RGSL1: variants seen among roughly 807,000 people sequenced by gnomAD.
The protein encoded by RGSL1 is regulator of G protein signaling protein-like.
A neutral mutation model predicts 124.7 loss-of-function variants in RGSL1; 97 were observed. The ratio of observed to expected loss-of-function variants is 0.78; its 90% CI spans 0.66 to 0.92. The LOEUF is 0.92. Among genes scored for constraint, RGSL1 ranks in the 40% least tolerant of loss-of-function variants. The probability of loss-of-function intolerance (pLI) is 0.00; values close to 1 mark genes in which losing one functional copy is unlikely to be tolerated. For missense variants in RGSL1, 1,233 were observed against 1,288.4 expected, an observed-to-expected ratio of 0.96 and a Z score of 0.66; for synonymous variants, 424 against 438.1, an observed-to-expected ratio of 0.97 and a Z score of 0.40.
chr1:182,501,920 C>T (rs1046520568), intron 9 of RGSL1, among the ~76,000 whole-genome samples: 2 of 152,162 alleles, frequency 1.3e-5, no homozygotes, highest in South Asian at 4.1e-4. Flanking sequence ...TTGGTTCAAT[C>T]TCCCATTCAA....
chr1:182,551,339 T>C, intron 18 of RGSL1, 130 bp downstream of exon 18: 1 of 707,616 alleles, frequency 1.4e-6, no homozygotes, highest in South Asian at 1.8e-5. Context: ...GCTCATTTAC[T>C]TGGCCCTCAG....
chr1:182,469,048 G>A (rs1185380737), intron 4 of RGSL1, among the ~76,000 whole-genome samples: 1 of 151,920 alleles, frequency 6.6e-6, no homozygotes, highest in African/African-American at 2.4e-5. Context: ...CTAAATTTAA[G>A]GCATAAAACT....
chr1:182,472,682 G>T (rs1288307506), intron 5 of RGSL1, 125 bp downstream of exon 5: 2 of 1,018,016 alleles, frequency 2.0e-6, no homozygotes, highest in Admixed American at 3.0e-5. Context: ...TATCAGAGAG[G>T]CTAGTGGCAA....
intron 9 of RGSL1, among the ~76,000 whole-genome samples, chr1:182,521,664 A>G (rs1348907265): frequency 6.6e-6 from 1 of 152,222 alleles, no homozygotes; most frequent in Non-Finnish European, 1.5e-5. Context: ...ACGGAATGTC[A>G]TGTGGAATAT....
chr1:182,538,127 A>C (rs950746866), intron 14 of RGSL1, among the ~76,000 whole-genome samples: 3 of 152,210 alleles, frequency 2.0e-5, no homozygotes, highest in African/African-American at 7.2e-5. Flanking sequence ...TCAGTGTCTT[A>C]AAAACTGTTT....
Position 182,530,254 on chromosome 1 carries a change from G to T in RGSL1, c.2136G>T (p.Leu712=). The T allele has an allele frequency of 6.5e-7, 1 of 1,550,020 alleles. No homozygotes were observed. Among genetic ancestry groups the T allele is most frequent in the Non-Finnish European group, 8.7e-7 (1 of 1,145,870 alleles). ...TCTTGCATTTTCTAGAAGAAATGCT[G>T]CAGTGTGATGCCCCTATTATCAAAG... is the stretch of plus-strand genomic sequence containing the variant. The part of the protein sequence containing the change: ...FQGQLSPEEM[L]QCDAPIIKEI... The change falls in exon 12 of 22, where the codon CTG becomes CTT. Residue 712 remains leucine, a synonymous_variant. Coordinates refer to ENST00000294854, the MANE Select transcript of RGSL1 (RefSeq NM_001137669.2).
At chr1:182,497,437 C>T (rs1030336239) in intron 9 of RGSL1, among the ~76,000 whole-genome samples, 1 of 150,526 alleles carries the variant, frequency 6.6e-6, no homozygotes, top group African/African-American at 2.4e-5. Flanking sequence ...ATAAAAATTG[C>T]TATTTTCTCT....
chr1:182,516,602 A>C (rs1190121164), intron 9 of RGSL1, among the ~76,000 whole-genome samples: 2 of 152,140 alleles, frequency 1.3e-5, no homozygotes, highest in African/African-American at 4.8e-5. Flanking sequence ...TTTTTAGTGA[A>C]TGTATTATAG....
At chr1:182,558,814 C>A (rs2102350008) in intron 21 of RGSL1, among the ~76,000 whole-genome samples, 1 of 152,300 alleles carries the variant, frequency 6.6e-6, no homozygotes, top group East Asian at 1.9e-4. Context: ...CCCAGACAAT[C>A]CAGAATAATG....
At chr1:182,548,932 AG>A (rs755353436) in intron 17 of RGSL1, 108 bp downstream of exon 17, 10 of 1,356,364 alleles carry the variant, frequency 7.4e-6, no homozygotes, top group Non-Finnish European at 4.0e-6. Flanking sequence ...TCCAGTTTCT[AG>A]GGGGAACTAA....
chr1:182,468,533 C>T (rs1653541367), intron 4 of RGSL1, among the ~76,000 whole-genome samples: 2 of 152,030 alleles, frequency 1.3e-5, no homozygotes. Context: ...AACCAAACAC[C>T]GCATGTTCTC....
chr1:182,449,981 G>C (rs370265424), upstream of RGSL1: 3 of 662,734 alleles, frequency 4.5e-6, no homozygotes, highest in East Asian at 8.2e-5. Flanking sequence ...GGATTCAGCA[G>C]ATTAGGTAAG....
chr1:182,469,998 T>G (rs151054019), intron 4 of RGSL1, among the ~76,000 whole-genome samples: 1 of 152,006 alleles, frequency 6.6e-6, no homozygotes, highest in Admixed American at 6.6e-5. Context: ...TGTCAGGAGC[T>G]GGGAGGAGGG....
intron 15 of RGSL1, among the ~76,000 whole-genome samples, chr1:182,545,717 T>G (rs10911089): frequency 0.52 from 79,162 of 151,524 alleles, 20,843 homozygotes; most frequent in Non-Finnish European, 0.56. Context: ...TTTGGTTTGG[T>G]TTTTTTGCAC....
intron 6 of RGSL1, among the ~76,000 whole-genome samples, chr1:182,476,332 G>A (rs972130133): frequency 6.6e-6 from 1 of 152,166 alleles, no homozygotes; most frequent in African/African-American, 2.4e-5. Context: ...ATATTTGTAC[G>A]TGGAGAAGAC....
Position 182,493,068 on chromosome 1 carries a change from G to C in RGSL1, c.1764G>C (p.Lys588Asn). ...SFEELCYKNP[K>N]MAIQKISDDY... ...AGGAGCTTTGCTACAAGAACCCAAAGATGGCCATACAGAAGATCAGTGATG... is the reference window on the plus strand; with the variant it reads ...AGGAGCTTTGCTACAAGAACCCAAACATGGCCATACAGAAGATCAGTGATG... The change falls in exon 9 of 22, where the codon AAG becomes AAC. Residue 588 changes from lysine to asparagine, a missense_variant. Physicochemically the swap from Lys to Asn is moderately conservative, Grantham distance 94. Transcript: ENST00000294854. 6.4e-7 allele frequency: 1 copy of C among 1,551,786 alleles called. No homozygotes were observed. The highest frequency in any genetic ancestry group is 8.7e-7 in the Non-Finnish European group (1 of 1,146,982).
chr1:182,549,148 C>T (rs1660409790), intron 17 of RGSL1: 1 of 220,596 alleles, frequency 4.5e-6, no homozygotes, highest in Non-Finnish European at 9.0e-6. Flanking sequence ...AACCACAGCC[C>T]CTTGGGGAGA....
intron 21 of RGSL1, among the ~76,000 whole-genome samples, chr1:182,559,985 T>C (rs1217349682): frequency 3.3e-5 from 5 of 152,242 alleles, no homozygotes; most frequent in African/African-American, 9.6e-5. Flanking sequence ...AAGAACTATT[T>C]TTCACCTTAC....
Position 182,474,413 on chromosome 1 carries a change from G to A in RGSL1, c.1302G>A (p.Glu434=), listed in dbSNP as rs1208572717. The A allele has an allele frequency of 2.6e-6, 4 of 1,551,910 alleles. No individual in the cohort carries two copies. The African/African-American group carries it at 4.1e-5, about 16-fold the overall frequency. ...ACTTGCTGGGTGACAGAATCTGCGA[G>A]CTCTACCTGAATGAGCAGATTGGTC... The part of the protein sequence containing the change: ...FRHLLGDRIC[E]LYLNEQIGPC... Residue 434 remains glutamate (E), a synonymous_variant, in exon 6 of 22, where the codon GAG becomes GAA. Coordinates refer to ENST00000294854, the MANE Select transcript of RGSL1 (RefSeq NM_001137669.2).
Sources: gnomAD v4.1 joint callset for allele counts (sites outside exome capture counted in the v4.1 genomes callset) on GRCh38, gnomAD v4.1.1 for gene constraint, MANE v1.5 for transcripts, NCBI Gene and HGNC (gene_info 2026-07-23, HGNC 2026-07-21) for gene names.